Variants in ZNF292 observed in about 807,000 individuals in gnomAD.
The protein encoded by ZNF292 is 16 zinc-finger domain protein.
In ZNF292, 26 loss-of-function variants were observed where a neutral mutation model predicts 217.9. The observed-to-expected ratio is 0.12, with a 90% CI of 0.09 to 0.17. The LOEUF is 0.17. Among genes scored for constraint, ZNF292 ranks in the 10% least tolerant of loss-of-function variants. The pLI, the probability that ZNF292 is intolerant of heterozygous loss-of-function variation, is 1.00. For missense variants in ZNF292, 2,904 were observed against 3,175.2 expected (o/e 0.91, Z 2.05); for synonymous variants, 1,257 against 1,124.1 (o/e 1.12, Z -2.37).
At position 87,258,156 on chromosome 6, in the gene ZNF292, T is replaced by C. The variant is rs1407593488; in HGVS notation, c.4527T>C (p.Leu1509=). 2 of 1,611,986 alleles carry C rather than the reference T, an allele frequency of 1.2e-6. No homozygotes were observed. Among genetic ancestry groups the C allele is most frequent in the South Asian group, 1.1e-5 (1 of 90,760 alleles). Residue 1509 remains leucine (L), a synonymous_variant, in exon 8 of 8, where the codon CTT becomes CTC. Coordinates refer to ENST00000369577, the MANE Select transcript of ZNF292 (RefSeq NM_015021.3). The stretch of plus-strand genomic sequence containing the variant: ...GTACATTTGAGGGTGCCGAAATGCT[T>C]TCTCATGTTTCAACAGGTTGTGTCT... ...IPSTFEGAEM[L]SHVSTGCVSD...
At chr6:87,194,772 A>G (rs1771908664) in intron 1 of ZNF292, among the ~76,000 whole-genome samples, 1 of 152,214 alleles carries the variant, frequency 6.6e-6, no homozygotes. Context: ...TTCACATGTG[A>G]CAGAATATAT....
At chr6:87,198,387 G>C (rs1582408715) in intron 1 of ZNF292, among the ~76,000 whole-genome samples, 1 of 152,028 alleles carries the variant, frequency 6.6e-6, no homozygotes, top group African/African-American at 2.4e-5. Context: ...TGTATTTTTA[G>C]TAGAGACAGG....
intron 1 of ZNF292, among the ~76,000 whole-genome samples, chr6:87,179,488 G>A (rs1156607712): frequency 6.6e-6 from 1 of 152,118 alleles, no homozygotes; most frequent in African/African-American, 2.4e-5. Flanking sequence ...GTATAAAGGA[G>A]TATGTAAACT....
At chr6:87,193,933 T>G (rs776449491) in intron 1 of ZNF292, among the ~76,000 whole-genome samples, 32 of 152,174 alleles carry the variant, frequency 2.1e-4, no homozygotes, top group Non-Finnish European at 4.3e-4. Flanking sequence ...TTTATCTTAA[T>G]GAAATCTAGG....
rs1371026325 is a variant in ZNF292 at position 87,257,752 on chromosome 6, T to G, written c.4123T>G (p.Phe1375Val). ...KWPAIIRDGKFICSRCYRAFT... is the reference protein window; with the variant it reads ...KWPAIIRDGKVICSRCYRAFT... Reference sequence around the variant, plus strand: ...GCCTGCAATTATCAGAGATGGGAAATTTATCTGTAGCAGGTGTTACAGGGC... The same window carrying G: ...GCCTGCAATTATCAGAGATGGGAAAGTTATCTGTAGCAGGTGTTACAGGGC... The change falls in exon 8 of 8, where the codon TTT becomes GTT. Residue 1375 changes from phenylalanine (F) to valine (V), a missense_variant. Physicochemically the swap from Phe to Val is conservative, Grantham distance 50. This residue lies in a region of ZNF292 where 23 missense variants were observed against 51.3 expected (regional missense o/e 0.45). Transcript: ENST00000369577. 1.9e-6 allele frequency: 3 copies of G among 1,613,592 alleles called. No homozygotes were observed. The highest frequency in any genetic ancestry group is 2.5e-6 in the Non-Finnish European group (3 of 1,179,796).
Position 87,233,674 on chromosome 6 carries a change from T to G in ZNF292, c.741+147T>G, listed in dbSNP as rs934320030. On this transcript the variant is annotated intron_variant, in intron 5 of 7. Transcript: ENST00000369577. ...TGGTATGTTCTTGAGTGGTGGCAAC[T>G]TGATTCTAAGTAGCTTTTAGAATTA... The G allele has an allele frequency of 1.7e-5, 24 of 1,410,044 alleles. No homozygotes were observed. The Admixed American group carries it at 6.8e-4, about 40-fold the overall frequency. The allele number at this position is 1,410,044 out of a possible 1,614,324, so 87.3% of individuals were successfully genotyped here. A position where few individuals can be genotyped will look rare whatever the true frequency, so the allele number is the denominator to read the frequency against.
At chr6:87,187,640 A>G (rs1176182793) in intron 1 of ZNF292, among the ~76,000 whole-genome samples, 2 of 145,898 alleles carry the variant, frequency 1.4e-5, no homozygotes, top group African/African-American at 2.6e-5. Context: ...ACTTGAACCC[A>G]GGTGGCGGAG....
At chr6:87,178,950 A>C (rs997100301) in intron 1 of ZNF292, among the ~76,000 whole-genome samples, 10 of 152,090 alleles carry the variant, frequency 6.6e-5, no homozygotes, top group African/African-American at 2.2e-4. Context: ...TGTGCTAATT[A>C]GGGTTCTTTA....
rs994519449 is a variant in ZNF292, at chr6:87,265,339, G to T, written c.*3538G>T. ...CAACTTCCATCTCCCAGGTTCAAGT[G>T]ATTCTCCTACCTCAGCCACCCAAGT... On this transcript the variant is annotated 3_prime_UTR_variant, in exon 8 of 8. Coordinates refer to ENST00000369577, the MANE Select transcript of ZNF292 (RefSeq NM_015021.3). 1.3e-5 allele frequency among the ~76,000 whole-genome samples: 2 copies of T among 152,144 alleles called. No homozygotes were observed. Among genetic ancestry groups the T allele is most frequent in the South Asian group, 2.1e-4 (1 of 4,810 alleles).
At chr6:87,216,713 A>G (rs1479127282) in intron 3 of ZNF292, among the ~76,000 whole-genome samples, 3 of 152,024 alleles carry the variant, frequency 2.0e-5, no homozygotes, top group African/African-American at 7.2e-5. Flanking sequence ...AATTTCACAT[A>G]TATCATTTAA....
chr6:87,257,603 A>T lies in ZNF292; in HGVS notation c.3974A>T (p.Asn1325Ile), dbSNP rs763043218. Residue 1325 changes from asparagine to isoleucine, a missense_variant, in exon 8 of 8, where the codon AAT (asparagine) becomes ATT (isoleucine). Physicochemically the swap from Asn to Ile is moderately radical, Grantham distance 149 (BLOSUM62 -3). Around this residue, in one of 15 missense-constraint regions of ZNF292, gnomAD observed 687 missense variants for 623.0 expected, o/e 1.10. Transcript: ENST00000369577. ...AATGCAGTTTTTCCTTCACAAGTGAATGTTGCAAATAACTTCAGTAGCACC... is the reference window on the plus strand; with the variant it reads ...AATGCAGTTTTTCCTTCACAAGTGATTGTTGCAAATAACTTCAGTAGCACC... ...GENAVFPSQV[N>I]VANNFSSTNA... 21 of 1,607,184 alleles carry T rather than the reference A, an allele frequency of 1.3e-5. No individual in the cohort carries two copies. The highest frequency in any genetic ancestry group is 1.6e-4 in the Middle Eastern group (1 of 6,080).
chr6:87,166,106 C>T, intron 1 of ZNF292, among the ~76,000 whole-genome samples: 1 of 152,184 alleles, frequency 6.6e-6, no homozygotes, highest in East Asian at 1.9e-4. Flanking sequence ...ATATTATGTT[C>T]ACAGAACCCG....
At chr6:87,159,235 T>A (rs931726102) in intron 1 of ZNF292, among the ~76,000 whole-genome samples, 1 of 152,202 alleles carries the variant, frequency 6.6e-6, no homozygotes, top group Non-Finnish European at 1.5e-5. Context: ...AGTGTTGTTT[T>A]GCTCATTCTG....
At chr6:87,245,381 A>T in intron 6 of ZNF292, 122 bp from the exon 7 acceptor site, 1 of 528,822 alleles carries the variant, frequency 1.9e-6, no homozygotes, top group Non-Finnish European at 3.1e-6. Flanking sequence ...ATTTTAACTT[A>T]AGCATGCATA....
intron 1 of ZNF292, among the ~76,000 whole-genome samples, chr6:87,206,495 T>C (rs766436278): frequency 4.6e-5 from 7 of 152,196 alleles, no homozygotes; most frequent in Admixed American, 3.3e-4. Context: ...GCCAGTATTA[T>C]GACATTGCCC....
At chr6:87,177,685 A>G (rs1771346742) in intron 1 of ZNF292, among the ~76,000 whole-genome samples, 1 of 152,210 alleles carries the variant, frequency 6.6e-6, no homozygotes, top group Non-Finnish European at 1.5e-5. Context: ...GTTGGACACC[A>G]TGAGTTAAAA....
intron 1 of ZNF292, among the ~76,000 whole-genome samples, chr6:87,171,853 T>A (rs1358192478): frequency 6.6e-6 from 1 of 152,190 alleles, no homozygotes; most frequent in East Asian, 1.9e-4. Flanking sequence ...TGTCTGCCAC[T>A]CTCCAACCTC....
At chr6:87,194,767 A>G (rs1771908555) in intron 1 of ZNF292, among the ~76,000 whole-genome samples, 2 of 152,218 alleles carry the variant, frequency 1.3e-5, no homozygotes, top group Admixed American at 6.5e-5. Context: ...CCAATTTCAC[A>G]TGTGACAGAA....
chr6:87,230,644 G>C (rs1366495536), intron 4 of ZNF292, among the ~76,000 whole-genome samples: 3 of 151,646 alleles, frequency 2.0e-5, no homozygotes, highest in African/African-American at 7.3e-5. Context: ...TGAGGCAGGA[G>C]AATGGCATGA....
Sources: allele counts gnomAD v4.1 joint callset (sites outside exome capture counted in the v4.1 genomes callset), GRCh38; gene constraint gnomAD v4.1.1; regional missense constraint gnomAD v4.1.1; transcripts MANE v1.5; gene names NCBI Gene and HGNC (gene_info 2026-07-23, HGNC 2026-07-21).